The following OSCP1 variants were observed in gnomAD, a reference collection of about 807,000 sequenced individuals.
OSCP1 encodes protein OSCP1.
A neutral mutation model predicts 45.1 loss-of-function variants in OSCP1; 35 were observed. The ratio of observed to expected loss-of-function variants is 0.78; its 90% confidence interval spans 0.59 to 1.03. The LOEUF is 1.03. Ranked by LOEUF, OSCP1 falls within the 50% of genes least tolerant of loss-of-function variation. The probability of loss-of-function intolerance (pLI) is 0.00; values close to 1 mark genes in which losing one functional copy is unlikely to be tolerated. For synonymous variants in OSCP1, 179 were observed against 180.1 expected, an observed-to-expected ratio of 0.99 and a Z score of 0.05; for missense variants, 400 against 470.7, an observed-to-expected ratio of 0.85 and a Z score of 1.39.
chr1:36,436,843 C>T (rs75962067), intron 2 of OSCP1, among the ~76,000 whole-genome samples: 12,598 of 152,206 alleles, frequency 0.083, 569 homozygotes, highest in Middle Eastern at 0.15. Context: ...TGGACAGTTT[C>T]TCTGACTCTC....
At chr1:36,433,931 T>C (rs912777878) in intron 2 of OSCP1, among the ~76,000 whole-genome samples, 24 of 152,178 alleles carry the variant, frequency 1.6e-4, no homozygotes, top group Admixed American at 9.8e-4. Context: ...GGAAAAAAGA[T>C]AGTGGGAACG....
intron 1 of OSCP1, among the ~76,000 whole-genome samples, chr1:36,439,151 G>A (rs1648959647): frequency 6.6e-6 from 1 of 152,222 alleles, no homozygotes; most frequent in Non-Finnish European, 1.5e-5. Flanking sequence ...CTAATGTGTT[G>A]TGCTTCAGAG....
intron 1 of OSCP1, among the ~76,000 whole-genome samples, chr1:36,441,648 G>A (rs1055401173): frequency 1.3e-5 from 2 of 150,952 alleles, no homozygotes; most frequent in Non-Finnish European, 2.9e-5. Context: ...GCTACCGGGA[G>A]GCTGAGGCAG....
At chr1:36,424,405 G>A (rs1282746711) in intron 4 of OSCP1, among the ~76,000 whole-genome samples, 1 of 152,186 alleles carries the variant, frequency 6.6e-6, no homozygotes, top group Non-Finnish European at 1.5e-5. Context: ...AATTCCACCC[G>A]TATGCCTTGG....
In OSCP1 at chr1:36,438,929, AC is replaced by A; in HGVS notation, c.113-20del. ...TTCAGAACTGCAGAGACAAGAGAGA[AC>A]ACAGCTGAGCAAAGTACTGAAGCAA... On this transcript the variant is annotated intron_variant, in intron 1 of 9. Coordinates refer to ENST00000235532, the MANE Select transcript of OSCP1 (RefSeq NM_145047.5). The A allele has an allele frequency of 1.2e-6, 2 of 1,611,976 alleles. No individual in the cohort carries two copies. Among genetic ancestry groups the A allele is most frequent in the Non-Finnish European group, 1.7e-6 (2 of 1,179,038 alleles).
chr1:36,428,573 C>T (rs1330100412), intron 4 of OSCP1: 2 of 1,397,868 alleles, frequency 1.4e-6, no homozygotes, highest in African/African-American at 2.9e-5. Flanking sequence ...GATGAAGAAA[C>T]TAAGACTTAA....
At chr1:36,449,744 C>T (rs11263899) in intron 1 of OSCP1, among the ~76,000 whole-genome samples, 43,735 of 143,482 alleles carry the variant, frequency 0.3, 6,718 homozygotes, top group Admixed American at 0.42. Flanking sequence ...GGCTGAGGCA[C>T]GAGAATCGCT....
chr1:36,448,860 G>C (rs1192622715), intron 1 of OSCP1, among the ~76,000 whole-genome samples: 1 of 152,240 alleles, frequency 6.6e-6, no homozygotes, highest in Non-Finnish European at 1.5e-5. Flanking sequence ...GAAATGGCCT[G>C]TGCAAGGACT....
intron 1 of OSCP1, among the ~76,000 whole-genome samples, chr1:36,441,744 C>A (rs1458567152): frequency 1.1e-4 from 13 of 116,284 alleles, no homozygotes; most frequent in African/African-American, 4.8e-4. Context: ...GAGCGAGACT[C>A]CAGCTCAAAA....
At position 36,423,406 on chromosome 1, in the gene OSCP1, A is replaced by T; in HGVS notation, c.577T>A (p.Ser193Thr). The T allele has an allele frequency of 6.2e-7, 1 of 1,613,858 alleles. No individual in the cohort carries two copies. Among genetic ancestry groups the T allele is most frequent in the Non-Finnish European group, 8.5e-7 (1 of 1,179,788 alleles). The change falls in exon 5 of 10, where the codon TCC (serine) becomes ACC (threonine). Residue 193 changes from serine (S) to threonine (T), a missense_variant. Physicochemically the swap from Ser to Thr is moderately conservative, Grantham distance 58. Coordinates refer to ENST00000235532, the MANE Select transcript of OSCP1 (RefSeq NM_145047.5). ...TCAGTTCCCCAAGGAACAGGCCCGG[A>T]CACCGGCAACACAAAGCGACCGTTA... The part of the protein sequence containing the change: ...NNNGRFVLPV[S>T]GPVPWGTEVP...
chr1:36,422,315 A>G (rs1570501419), intron 6 of OSCP1, 96 bp from the exon 7 acceptor site: 3 of 1,120,574 alleles, frequency 2.7e-6, no homozygotes, highest in East Asian at 4.8e-5. Flanking sequence ...ATTCTGAGAC[A>G]TTAAATAGCA....
Position 36,432,546 on chromosome 1 carries a change from A to G in OSCP1, c.311T>C (p.Leu104Pro). The change falls in exon 3 of 10, where the codon CTG (leucine) becomes CCG (proline). Residue 104 changes from leucine to proline, a missense_variant. Transcript: ENST00000235532. ...CAGCACATCCTTGGGTCGGGGACAC[A>G]GCAATACTTGATATTTGAAAGCCAT... The part of the protein sequence containing the change: ...MTMAFKYQVL[L>P]CPRPKDVLLV... The G allele has an allele frequency of 1.2e-6, 2 of 1,614,192 alleles. No homozygotes were observed. The highest frequency in any genetic ancestry group is 1.7e-6 in the Non-Finnish European group (2 of 1,180,038).
At chr1:36,419,114 C>G (rs961884620) in intron 8 of OSCP1, 60 bp from the exon 9 acceptor site, 2 of 1,460,230 alleles carry the variant, frequency 1.4e-6, no homozygotes, top group Admixed American at 1.7e-5. Flanking sequence ...GCCAGCATGG[C>G]AAACTGGCTC....
At chr1:36,443,453 T>G (rs1014519053) in intron 1 of OSCP1, among the ~76,000 whole-genome samples, 62 of 152,324 alleles carry the variant, frequency 4.1e-4, no homozygotes, top group African/African-American at 1.3e-3. Context: ...TTTTTCAGGT[T>G]TCCTGCTTGC....
Position 36,420,449 on chromosome 1 carries a change from C to G in OSCP1, c.959+27G>C, listed in dbSNP as rs774108151. ...TGTCATGCTTGGGATTTTTATATGT[C>G]TTTAACGAAACAGGTTTAAAACATA... On this transcript the variant is annotated intron_variant, in intron 8 of 9. Transcript: ENST00000235532. The G allele has an allele frequency of 3.7e-6, 6 of 1,601,920 alleles. No individual in the cohort carries two copies. In the Admixed American group the frequency reaches 6.9e-5, roughly 18 times the overall value.
chr1:36,440,415 G>C (rs1314737364), intron 1 of OSCP1, among the ~76,000 whole-genome samples: 2 of 152,190 alleles, frequency 1.3e-5, no homozygotes, highest in Non-Finnish European at 2.9e-5. Flanking sequence ...TGACACAAAT[G>C]AACTGACTGT....
chr1:36,428,202 A>G lies in OSCP1; in HGVS notation c.516+3600T>C, dbSNP rs542712513. ...CAGACTGCATCTCAAAAAAAAAAAA[A>G]AAAAAAAAGAAAGAAAAATTTGGCA... On this transcript the variant is annotated intron_variant, in intron 4 of 9. Transcript: ENST00000235532. 7.6e-5 allele frequency: 102 copies of G among 1,335,372 alleles called. 1 individual carries two copies. In the East Asian group the frequency reaches 2.7e-3, roughly 35 times the overall value. 82.7% of individuals were successfully genotyped at this position (1,335,372 alleles called of 1,614,324 possible). A position where few individuals can be genotyped will look rare whatever the true frequency, so the allele number is the denominator to read the frequency against.
At chr1:36,435,721 C>T (rs1013807685) in intron 2 of OSCP1, among the ~76,000 whole-genome samples, 4 of 151,980 alleles carry the variant, frequency 2.6e-5, no homozygotes, top group African/African-American at 9.7e-5. Context: ...CAACCTCTGC[C>T]TCCCGGGTTC....
chr1:36,449,199 T>C (rs1649725652), intron 1 of OSCP1, among the ~76,000 whole-genome samples: 3 of 152,204 alleles, frequency 2.0e-5, no homozygotes, highest in Admixed American at 2.0e-4. Flanking sequence ...TGAAATATAA[T>C]ATTTCCTTCA....
Sources: allele counts gnomAD v4.1 joint callset (sites outside exome capture counted in the v4.1 genomes callset), GRCh38; gene constraint gnomAD v4.1.1; transcripts MANE v1.5; gene names NCBI Gene and HGNC (gene_info 2026-07-23, HGNC 2026-07-21).